SYT5: variants seen among roughly 807,000 people sequenced by gnomAD.
SYT5 encodes synaptotagmin-5.
In SYT5, 29 loss-of-function variants were observed where a neutral mutation model predicts 36.0. The ratio of observed to expected loss-of-function variants is 0.81; its 90% CI spans 0.60 to 1.10. The LOEUF (loss-of-function observed/expected upper bound fraction) is 1.10, where lower values mean the gene tolerates loss of function less well. Among genes scored for constraint, SYT5 ranks in the 50% least tolerant of loss-of-function variants. The probability of loss-of-function intolerance (pLI) is 0.00; values close to 1 mark genes in which losing one functional copy is unlikely to be tolerated. For synonymous variants in SYT5, 231 were observed against 227.6 expected, an observed-to-expected ratio of 1.02 and a Z score of -0.14; for missense variants, 512 against 516.0, an observed-to-expected ratio of 0.99 and a Z score of 0.08.
At position 55,172,940 on chromosome 19, in the gene SYT5, G is replaced by A. The variant is rs1227745445; in HGVS notation, c.*544C>T. On this transcript the variant is annotated 3_prime_UTR_variant, in exon 9 of 9. Transcript: ENST00000354308. ...AGTGGTGAGTGAGGAATGAACGGGT[G>A]AGAGTGTGAGGGAGTCCATGGGGTC... The A allele has an allele frequency of 6.5e-6, 1 of 152,678 alleles. No individual in the cohort carries two copies. Among genetic ancestry groups the A allele is most frequent in the East Asian group, 1.9e-4 (1 of 5,206 alleles). The allele number at this position is 152,678 out of a possible 1,614,324, so 9.5% of individuals were successfully genotyped here.
Position 55,175,148 on chromosome 19 carries a change from CG to C in SYT5, c.708+23del, listed in dbSNP as rs971854000. The C allele has an allele frequency of 2.2e-5, 35 of 1,578,514 alleles. No homozygotes were observed. Among genetic ancestry groups the C allele is most frequent in the Non-Finnish European group, 3.0e-5 (35 of 1,166,860 alleles). ...CGGGACTGGGCCTGGGGGCGTGGCT[CG>C]GGGCGCGACCGCGCATGCTCACCTC... On this transcript the variant is annotated intron_variant, in intron 6 of 8. Coordinates refer to ENST00000354308, the MANE Select transcript of SYT5 (RefSeq NM_003180.3). The surrounding 1 kb of genome is among the most constrained non-coding windows in gnomAD (Gnocchi z 4.5).
chr19:55,174,715 A>C (rs78345542), intron 7 of SYT5, 65 bp from the exon 8 acceptor site: 88,015 of 1,609,874 alleles, frequency 0.055, 7,512 homozygotes, highest in Admixed American at 0.35. Context: ...ACATAGAAAC[A>C]CTGCCTACAC....
chr19:55,178,384 G>C lies in SYT5; in HGVS notation c.80-16C>G. 6.2e-7 allele frequency: 1 copy of C among 1,606,226 alleles called. No homozygotes were observed. The highest frequency in any genetic ancestry group is 8.5e-7 in the Non-Finnish European group (1 of 1,177,206). ...CAGGGGGGCACTGCAGAGGGGTGGA[G>C]ACAACACACATTGAGGCCTGGGCAG... On this transcript the variant is annotated splice_polypyrimidine_tract_variant and intron_variant, in intron 2 of 8. Transcript: ENST00000354308.
rs1599944196 is a variant in SYT5, at chr19:55,175,697, G to T, written c.540+12C>A. On this transcript the variant is annotated intron_variant, in intron 5 of 8. Transcript: ENST00000354308. This position sits in a 1 kb window ranked among gnomAD's most constrained non-coding sequence, Gnocchi z 4.5. Reference sequence around the variant, plus strand: ...AGGCTATGGAACACGGGGCCTGAAGGCAGGAGCTCACCTTGAAGGCGAAGG... The same window carrying T: ...AGGCTATGGAACACGGGGCCTGAAGTCAGGAGCTCACCTTGAAGGCGAAGG... The T allele has an allele frequency of 1.9e-6, 3 of 1,612,342 alleles. No individual in the cohort carries two copies. Among genetic ancestry groups the T allele is most frequent in the East Asian group, 2.2e-5 (1 of 44,846 alleles).
Position 55,179,131 on chromosome 19 carries a change from C to A in SYT5, c.-45-45G>T, listed in dbSNP as rs1370501348. Reference sequence around the variant, plus strand: ...CCAGACGTCCTTTGAGCCCCACGCACAACAAAGAACTCCAACTCCCATGAG... The same window carrying A: ...CCAGACGTCCTTTGAGCCCCACGCAAAACAAAGAACTCCAACTCCCATGAG... On this transcript the variant is annotated intron_variant, in intron 1 of 8. Transcript: ENST00000354308. This position sits in a 1 kb window ranked among gnomAD's most constrained non-coding sequence, Gnocchi z 4.5. The A allele has an allele frequency of 1.9e-6, 3 of 1,541,724 alleles. No individual in the cohort carries two copies. The highest frequency in any genetic ancestry group is 2.6e-6 in the Non-Finnish European group (3 of 1,147,242).
intron 3 of SYT5, among the ~76,000 whole-genome samples, chr19:55,177,701 T>C (rs1478138769): frequency 6.6e-6 from 1 of 152,150 alleles, no homozygotes; most frequent in Non-Finnish European, 1.5e-5. Flanking sequence ...TAGCTGGGAT[T>C]ATACCACACC....
At position 55,175,110 on chromosome 19, in the gene SYT5, A is replaced by T; in HGVS notation, c.708+62T>A. 1 of 1,582,762 alleles carries T rather than the reference A, an allele frequency of 6.3e-7. No individual in the cohort carries two copies. The highest frequency in any genetic ancestry group is 1.1e-5 in the South Asian group (1 of 87,852). On this transcript the variant is annotated intron_variant, in intron 6 of 8. Coordinates refer to ENST00000354308, the MANE Select transcript of SYT5 (RefSeq NM_003180.3). The surrounding 1 kb of genome is among the most constrained non-coding windows in gnomAD (Gnocchi z 4.5). Reference sequence around the variant, plus strand: ...GGAAAGCCTATGATCTGATTGGCTCAGGATGTTGTGGGCGGGACTGGGCCT... The same window carrying T: ...GGAAAGCCTATGATCTGATTGGCTCTGGATGTTGTGGGCGGGACTGGGCCT...
In SYT5 at chr19:55,172,533, AAG is replaced by A. The variant is rs2086016695; in HGVS notation, c.*949_*950del. ...AAAGGAAAAAAGAAAAGAAAAAAGA[AAG>A]AGGTGAAGTTGAAATCATTGGCTTT... On this transcript the variant is annotated 3_prime_UTR_variant, in exon 9 of 9. Coordinates refer to ENST00000354308, the MANE Select transcript of SYT5 (RefSeq NM_003180.3). The A allele has an allele frequency of 6.6e-6, 1 of 152,190 alleles. No individual in the cohort carries two copies. The highest frequency in any genetic ancestry group is 6.5e-5 in the Admixed American group (1 of 15,272). 9.4% of individuals were successfully genotyped at this position (152,190 alleles called of 1,614,324 possible). A position where few individuals can be genotyped will look rare whatever the true frequency, so the allele number is the denominator to read the frequency against.
rs1362269685 is a variant in SYT5 at position 55,178,065 on chromosome 19, C to G, written c.252+131G>C. 9 of 1,061,768 alleles carry G rather than the reference C, an allele frequency of 8.5e-6. No homozygotes were observed. In the East Asian group the frequency reaches 2.4e-4, roughly 28 times the overall value. 65.8% of individuals were successfully genotyped at this position (1,061,768 alleles called of 1,614,324 possible). On this transcript the variant is annotated intron_variant, in intron 3 of 8. Transcript: ENST00000354308. The stretch of plus-strand genomic sequence containing the variant: ...CCCCAGAGTCCAGTTGAGGGCTAGA[C>G]ACACAGGGAGGATGAGCCAGTAAGG...
chr19:55,172,930 A>G lies in SYT5; in HGVS notation c.*554T>C, dbSNP rs1315653321. The G allele has an allele frequency of 1.3e-5, 2 of 152,446 alleles. No individual in the cohort carries two copies. Among genetic ancestry groups the G allele is most frequent in the African/African-American group, 4.8e-5 (2 of 41,466 alleles). The allele number at this position is 152,446 out of a possible 1,614,324, so 9.4% of individuals were successfully genotyped here. On this transcript the variant is annotated 3_prime_UTR_variant, in exon 9 of 9. Coordinates refer to ENST00000354308, the MANE Select transcript of SYT5 (RefSeq NM_003180.3). ...CCAGGCTCAGAGTGGTGAGTGAGGA[A>G]TGAACGGGTGAGAGTGTGAGGGAGT...
intron 8 of SYT5, 130 bp downstream of exon 8, chr19:55,174,387 A>C: frequency 7.7e-7 from 1 of 1,294,402 alleles, no homozygotes; most frequent in Non-Finnish European, 1.1e-6. Flanking sequence ...TCATAGGAGG[A>C]AACAGACTGA....
intron 2 of SYT5, 109 bp downstream of exon 2, chr19:55,178,854 G>A: frequency 9.2e-7 from 1 of 1,088,730 alleles, no homozygotes; most frequent in East Asian, 7.3e-5. Context: ...CGGGATCCCA[G>A]CCGGATTTTC....
In SYT5 at chr19:55,174,553, T is replaced by G; in HGVS notation, c.924A>C (p.Glu308Asp). 6.2e-7 allele frequency: 1 copy of G among 1,614,098 alleles called. No homozygotes were observed. Among genetic ancestry groups the G allele is most frequent in the Non-Finnish European group, 8.5e-7 (1 of 1,179,972 alleles). Residue 308 changes from glutamate (E) to aspartate (D), a missense_variant, in exon 8 of 9, where the codon GAA becomes GAC. Transcript: ENST00000354308. ...KKNTLNPYYN[E>D]AFSFEVPCDQ... ...CACAGGGCACCTCGAAGCTGAAAGC[T>G]TCGTTGTAATAGGGGTTCAGAGTGT...
chr19:55,178,516 A>G, intron 2 of SYT5, 148 bp from the exon 3 acceptor site: 1 of 1,017,874 alleles, frequency 9.8e-7, no homozygotes, highest in Non-Finnish European at 1.4e-6. Context: ...CTTCCACCTA[A>G]TGTGGCCTAT....
At chr19:55,174,700 G>C in intron 7 of SYT5, 50 bp from the exon 8 acceptor site, 1 of 1,612,738 alleles carries the variant, frequency 6.2e-7, no homozygotes, top group African/African-American at 1.3e-5. Context: ...TGGGTTGTTG[G>C]ACCAACATAG....
intron 8 of SYT5, 78 bp downstream of exon 8, chr19:55,174,439 G>C: frequency 6.5e-7 from 1 of 1,546,432 alleles, no homozygotes; most frequent in Non-Finnish European, 8.7e-7. Flanking sequence ...CTAGGGAGAT[G>C]CTAAAAAGTC....
Position 55,175,059 on chromosome 19 carries a change from TACAATCCACGCCGCC to T in SYT5, c.709-75_709-61del. 8 of 1,601,526 alleles carry T rather than the reference TACAATCCACGCCGCC, an allele frequency of 5.0e-6. No homozygotes were observed. Among genetic ancestry groups the T allele is most frequent in the Non-Finnish European group, 6.8e-6 (8 of 1,175,552 alleles). Reference sequence around the variant, plus strand: ...CTCCACATCCATGCCTCCTCAGGGGTACAATCCACGCCGCCCTGAGGGTCTGGAAAGCCTATGATC... The same window carrying T: ...CTCCACATCCATGCCTCCTCAGGGGTCTGAGGGTCTGGAAAGCCTATGATC... On this transcript the variant is annotated intron_variant, in intron 6 of 8. Transcript: ENST00000354308. This position sits in a 1 kb window ranked among gnomAD's most constrained non-coding sequence, Gnocchi z 4.5.
chr19:55,178,201 C>T lies in SYT5; in HGVS notation c.247G>A (p.Asp83Asn), dbSNP rs747357557. ...GGGGCTGGGCTGGGCCACACCTTGTCTATGTAACTCTGGCCCAGCCCCTTC... is the reference window on the plus strand; with the variant it reads ...GGGGCTGGGCTGGGCCACACCTTGTTTATGTAACTCTGGCCCAGCCCCTTC... ...EVKGLGQSYI[D>N]KVQPEVEELE... is the part of the protein sequence containing the mutation. Residue 83 changes from aspartate (D) to asparagine (N), a missense_variant, in exon 3 of 9, where the codon GAC becomes AAC. Asp to Asn is a conservative substitution (Grantham distance 23). Transcript: ENST00000354308. The T allele has an allele frequency of 3.4e-5, 55 of 1,606,832 alleles. No individual in the cohort carries two copies. Among genetic ancestry groups the T allele is most frequent in the Admixed American group, 1.5e-4 (9 of 58,548 alleles).
At chr19:55,178,725 CCATG>C (rs1241287383) in intron 2 of SYT5, among the ~76,000 whole-genome samples, 1 of 145,416 alleles carries the variant, frequency 6.9e-6, no homozygotes, top group Non-Finnish European at 1.5e-5. Context: ...AGATCCCATT[CCATG>C]CAACACCCCT....
Sources: allele counts gnomAD v4.1 joint callset (sites outside exome capture counted in the v4.1 genomes callset), GRCh38; gene constraint gnomAD v4.1.1; non-coding constraint Gnocchi (gnomAD v3.1); transcripts MANE v1.5; gene names NCBI Gene and HGNC (gene_info 2026-07-23, HGNC 2026-07-21).